The following CREBRF variants were observed in gnomAD, a reference collection of about 807,000 sequenced individuals.
The protein encoded by CREBRF is CREB3 regulatory factor.
A neutral mutation model predicts 66.1 loss-of-function variants in CREBRF; 5 were observed. That is an observed-to-expected ratio of 0.08 (90% CI 0.04 to 0.16). The LOEUF (loss-of-function observed/expected upper bound fraction) is 0.16. CREBRF is among the 10% of genes least tolerant of loss of function. The pLI is 1.00. For missense variants in CREBRF, 531 were observed against 744.9 expected (o/e 0.71, Z 3.34); for synonymous variants, 229 against 264.4 (o/e 0.87, Z 1.30).
chr5:173,060,317 G>A (rs377454240), intron 1 of CREBRF: 11 of 150,278 alleles, frequency 7.3e-5, no homozygotes, highest in East Asian at 5.8e-4. Flanking sequence ...TGCAACCTCC[G>A]TTTCCTGGGT....
intron 1 of CREBRF, chr5:173,057,820 T>TC (rs1167997738): frequency 1.3e-5 from 2 of 151,216 alleles, no homozygotes; most frequent in Non-Finnish European, 2.9e-5. Context: ...TTCTTTTTTT[T>TC]TTTTTTTCTC....
In CREBRF at chr5:173,090,079, C is replaced by T. The variant is rs1271600223; in HGVS notation, c.136-236C>T. Reference sequence around the variant, plus strand: ...TCATACCTGAGCCTCTCAAGGGACACACTTTCCGTCTTTTTTAAATTTAAT... The same window carrying T: ...TCATACCTGAGCCTCTCAAGGGACATACTTTCCGTCTTTTTTAAATTTAAT... On this transcript the variant is annotated intron_variant, in intron 3 of 8. Transcript: ENST00000296953. This position sits in a 1 kb window ranked among gnomAD's most constrained non-coding sequence, Gnocchi z 4.5. 1.3e-5 allele frequency among the ~76,000 whole-genome samples: 2 copies of T among 152,124 alleles called. No homozygotes were observed.
At chr5:173,117,672 T>TTC (rs1209741074) in intron 7 of CREBRF, among the ~76,000 whole-genome samples, 34 of 124,488 alleles carry the variant, frequency 2.7e-4, no homozygotes, top group African/African-American at 4.1e-4. Context: ...CTCTTTCTTT[T>TTC]TCTCTCTCTC....
At chr5:173,093,959 T>C (rs868595534) in intron 4 of CREBRF, among the ~76,000 whole-genome samples, 1 of 152,216 alleles carries the variant, frequency 6.6e-6, no homozygotes, top group Non-Finnish European at 1.5e-5. Context: ...ATTCTACTTT[T>C]TACTCTCTGA....
At chr5:173,072,197 T>G (rs977815010) in intron 1 of CREBRF, among the ~76,000 whole-genome samples, 3 of 152,122 alleles carry the variant, frequency 2.0e-5, no homozygotes, top group Admixed American at 1.3e-4. Context: ...AGTCTTGAAC[T>G]CCTGAGCTCA....
At chr5:173,086,363 T>C in intron 2 of CREBRF, 138 bp from the exon 3 acceptor site, 1 of 758,304 alleles carries the variant, frequency 1.3e-6, no homozygotes, top group Non-Finnish European at 2.2e-6. Context: ...TTAAATATAC[T>C]ATACAGTAGA....
chr5:173,095,986 T>C lies in CREBRF; in HGVS notation c.1222+4585T>C, dbSNP rs574786869. 9.5e-4 allele frequency among the ~76,000 whole-genome samples: 145 copies of C among 152,302 alleles called. 1 individual carries two copies. The highest frequency in any genetic ancestry group is 3.3e-3 in the African/African-American group (138 of 41,576). ...TTCTATGGTGAAGTCTTTTCTTTTT[T>C]TGAGACAGAGTCTTGCTCTGTTGCC... On this transcript the variant is annotated intron_variant, in intron 4 of 8. Coordinates refer to ENST00000296953, the MANE Select transcript of CREBRF (RefSeq NM_153607.3).
intron 7 of CREBRF, among the ~76,000 whole-genome samples, chr5:173,113,838 G>T (rs1053180093): frequency 6.6e-6 from 1 of 152,150 alleles, no homozygotes; most frequent in Non-Finnish European, 1.5e-5. Context: ...TCAGGGGTAT[G>T]GGAAGCTCTG....
intron 8 of CREBRF, among the ~76,000 whole-genome samples, chr5:173,132,216 G>A (rs879471150): frequency 1.3e-5 from 2 of 148,842 alleles, no homozygotes; most frequent in African/African-American, 2.5e-5. Context: ...CTCCTGAGTA[G>A]CTGGGATTAC....
Position 173,137,641 on chromosome 5 carries a change from G to A in CREBRF, c.*3896G>A, listed in dbSNP as rs1043026174. ...ACAAGTCTCTTTAAAAGAAACAGAA[G>A]TACAGTACTTTTGAAATACAATGCT... On this transcript the variant is annotated 3_prime_UTR_variant, in exon 9 of 9. Coordinates refer to ENST00000296953, the MANE Select transcript of CREBRF (RefSeq NM_153607.3). 2.0e-5 allele frequency: 3 copies of A among 151,866 alleles called. No individual in the cohort carries two copies. Among genetic ancestry groups the A allele is most frequent in the African/African-American group, 4.8e-5 (2 of 41,382 alleles). The allele number at this position is 151,866 out of a possible 1,614,324, so 9.4% of individuals were successfully genotyped here. A position where few individuals can be genotyped will look rare whatever the true frequency, so the allele number is the denominator to read the frequency against.
At chr5:173,117,853 G>A (rs1759043398) in intron 7 of CREBRF, among the ~76,000 whole-genome samples, 1 of 148,954 alleles carries the variant, frequency 6.7e-6, no homozygotes, top group African/African-American at 2.5e-5. Flanking sequence ...TGGGATTACA[G>A]GTGTGCACCA....
chr5:173,080,849 C>G, intron 2 of CREBRF, 65 bp downstream of exon 2: 1 of 1,477,042 alleles, frequency 6.8e-7, no homozygotes, highest in Non-Finnish European at 9.4e-7. Context: ...ATACCTTTGA[C>G]TCTTAAATGA....
intron 4 of CREBRF, among the ~76,000 whole-genome samples, chr5:173,105,374 T>C (rs1486650136): frequency 1.3e-5 from 2 of 152,116 alleles, no homozygotes; most frequent in Admixed American, 6.5e-5. Context: ...AGTGTTTTGG[T>C]TGGTGCATCT....
chr5:173,057,348 CAG>C (rs1235608346), intron 1 of CREBRF: 1 of 151,998 alleles, frequency 6.6e-6, no homozygotes, highest in Non-Finnish European at 1.5e-5. Context: ...GGGGAGGAGA[CAG>C]GGCAAAGGGC....
chr5:173,126,382 C>G (rs1217110295), intron 8 of CREBRF, among the ~76,000 whole-genome samples: 1 of 152,216 alleles, frequency 6.6e-6, no homozygotes, highest in Non-Finnish European at 1.5e-5. Flanking sequence ...ATCAAGTGAT[C>G]TGCCCGCCTT....
At position 173,086,948 on chromosome 5, in the gene CREBRF, GTT is replaced by G. The variant is rs765109361; in HGVS notation, c.135+337_135+338del. Among the ~76,000 whole-genome samples, 137 of 56,234 alleles carry G rather than the reference GTT, an allele frequency of 2.4e-3. 2 individuals carry two copies. Among genetic ancestry groups the G allele is most frequent in the Non-Finnish European group, 5.0e-3 (93 of 18,588 alleles). 36.9% of individuals were successfully genotyped at this position (56,234 alleles called of 152,430 possible). A position where few individuals can be genotyped will look rare whatever the true frequency, so the allele number is the denominator to read the frequency against. ...TGTGTCACCACATCCAACTAATTTT[GTT>G]TTTTTTTTTTTTTTGAGACAGAGTC... On this transcript the variant is annotated intron_variant, in intron 3 of 8. Coordinates refer to ENST00000296953, the MANE Select transcript of CREBRF (RefSeq NM_153607.3).
chr5:173,080,788 A>G lies in CREBRF; in HGVS notation c.9+4A>G. ...TCTGGGCTTGGAAATGCCTCAGGTA[A>G]ATCATACAGAGTAGGTGCAAAGTTT... On this transcript the variant is annotated splice_donor_region_variant and intron_variant, in intron 2 of 8. Transcript: ENST00000296953. The G allele has an allele frequency of 3.7e-6, 6 of 1,613,504 alleles. No homozygotes were observed. The highest frequency in any genetic ancestry group is 5.1e-6 in the Non-Finnish European group (6 of 1,179,634).
At chr5:173,082,908 C>CAAAAAAAAAAAAAAAAA (rs70984937) in intron 2 of CREBRF, among the ~76,000 whole-genome samples, 2 of 29,018 alleles carry the variant, frequency 6.9e-5, no homozygotes, top group Non-Finnish European at 1.2e-4. Flanking sequence ...GACTCTGTCT[C>CAAAAAAAAAAAAAAAAA]AAAAAAAAAA....
intron 1 of CREBRF, among the ~76,000 whole-genome samples, chr5:173,069,090 A>G (rs748495338): frequency 1.8e-4 from 27 of 152,012 alleles, no homozygotes; most frequent in Admixed American, 1.2e-3. Context: ...AAAAAAAAGA[A>G]AAGGATTCTG....
Sources: allele counts gnomAD v4.1 joint callset (sites outside exome capture counted in the v4.1 genomes callset), GRCh38; gene constraint gnomAD v4.1.1; non-coding constraint Gnocchi (gnomAD v3.1); transcripts MANE v1.5; gene names NCBI Gene and HGNC (gene_info 2026-07-23, HGNC 2026-07-21).